DNAJC5: variants seen among roughly 807,000 people sequenced by gnomAD.
DNAJC5 encodes the protein DnaJ heat shock protein family (Hsp40) member C5.
Under a neutral mutation model 23.2 loss-of-function variants are expected in DNAJC5, and 1 was observed. The ratio of observed to expected loss-of-function variants is 0.04; its 90% confidence interval spans 0.02 to 0.20. DNAJC5 has a LOEUF of 0.20. Ranked by LOEUF, DNAJC5 falls within the 10% of genes least tolerant of loss-of-function variation. DNAJC5 has a pLI of 1.00. For missense variants in DNAJC5, 180 were observed against 267.0 expected, an observed-to-expected ratio of 0.67 and a Z score of 2.27; for synonymous variants, 136 against 120.0, an observed-to-expected ratio of 1.13 and a Z score of -0.87.
chr20:63,923,908 C>T (rs952317140), intron 1 of DNAJC5, among the ~76,000 whole-genome samples: 1 of 152,124 alleles, frequency 6.6e-6, no homozygotes, highest in South Asian at 2.1e-4. Context: ...AGTTTTTTGC[C>T]TTAGTAATTG....
rs563546288 is a variant in DNAJC5 at position 63,923,744 on chromosome 20, T to C, written c.-11-4591T>C. The stretch of plus-strand genomic sequence containing the variant: ...GGAAAAGAAAGAATGAGTTAACATT[T>C]TCTCAGCTTTATGTGTTGAGTGATT... On this transcript the variant is annotated intron_variant, in intron 1 of 4. Coordinates refer to ENST00000360864, the MANE Select transcript of DNAJC5 (RefSeq NM_025219.3). 8.5e-5 allele frequency among the ~76,000 whole-genome samples: 13 copies of C among 152,296 alleles called. No homozygotes were observed. In the East Asian group the frequency reaches 2.5e-3, roughly 29 times the overall value.
chr20:63,934,122 CCTAGAAG>C lies in DNAJC5; in HGVS notation c.*2556_*2562del, dbSNP rs2053697292. 1 of 152,232 alleles carries C rather than the reference CCTAGAAG, an allele frequency of 6.6e-6. No individual in the cohort carries two copies. The highest frequency in any genetic ancestry group is 1.5e-5 in the Non-Finnish European group (1 of 68,044). 9.4% of individuals were successfully genotyped at this position (152,232 alleles called of 1,614,324 possible). ...GCCTGGAGTTCCTCCCCCTGCCTGA[CCTAGAAG>C]CAGAACCGTTTTCAGCGCTCTGCCC... is the stretch of plus-strand genomic sequence containing the variant. On this transcript the variant is annotated 3_prime_UTR_variant, in exon 5 of 5. Transcript: ENST00000360864.
Position 63,918,885 on chromosome 20 carries a change from C to T in DNAJC5, c.-11-9450C>T, listed in dbSNP as rs372814067. Among the ~76,000 whole-genome samples, 65 of 152,332 alleles carry T rather than the reference C, an allele frequency of 4.3e-4. 1 individual carries two copies. The highest frequency in any genetic ancestry group is 1.9e-3 in the Admixed American group (29 of 15,300). ...CTGGGATTACAGGCGTGAGCCACCA[C>T]GCCCGGCTGATATGTTCCATATATT... On this transcript the variant is annotated intron_variant, in intron 1 of 4. Transcript: ENST00000360864.
intron 1 of DNAJC5, among the ~76,000 whole-genome samples, chr20:63,913,324 C>A (rs143915650): frequency 6.6e-6 from 1 of 152,092 alleles, no homozygotes; most frequent in African/African-American, 2.4e-5. Context: ...TCTCCTCAGA[C>A]GTCATCTGTT....
chr20:63,906,483 G>A (rs923361820), intron 1 of DNAJC5, among the ~76,000 whole-genome samples: 16 of 150,930 alleles, frequency 1.1e-4, no homozygotes, highest in Non-Finnish European at 2.1e-4. Context: ...GAAAGACTCT[G>A]TCTTAATAAA....
intron 3 of DNAJC5, among the ~76,000 whole-genome samples, 190 bp from the exon 4 acceptor site, chr20:63,930,661 C>G (rs757547329): frequency 1.2e-4 from 18 of 152,214 alleles, no homozygotes; most frequent in Admixed American, 3.3e-4. Context: ...GGCTGCTTTT[C>G]TTTAAGCTGC....
chr20:63,913,075 G>A (rs995072174), intron 1 of DNAJC5, among the ~76,000 whole-genome samples: 13 of 151,888 alleles, frequency 8.6e-5, no homozygotes, highest in Non-Finnish European at 1.6e-4. Context: ...TCCCTGCCCC[G>A]TCTCCATCTC....
At chr20:63,895,806 C>G (rs967868558) in intron 1 of DNAJC5, among the ~76,000 whole-genome samples, 1 of 152,182 alleles carries the variant, frequency 6.6e-6, no homozygotes, top group Non-Finnish European at 1.5e-5. Flanking sequence ...GTAAATTAAT[C>G]TTTCCGACGT....
Position 63,913,740 on chromosome 20 carries a change from C to A in DNAJC5, c.-11-14595C>A, listed in dbSNP as rs567758795. ...GGATTGCGGGCACCTACGACCACGCCCAGCTAATTTTGTATTTTTAGTACA... is the reference window on the plus strand; with the variant it reads ...GGATTGCGGGCACCTACGACCACGCACAGCTAATTTTGTATTTTTAGTACA... On this transcript the variant is annotated intron_variant, in intron 1 of 4. Transcript: ENST00000360864. 6.7e-3 allele frequency among the ~76,000 whole-genome samples: 1,018 copies of A among 152,102 alleles called. 8 individuals are homozygous for A. Among genetic ancestry groups the A allele is most frequent in the African/African-American group, 0.022 (911 of 41,486 alleles).
chr20:63,902,201 C>A (rs1459088956), intron 1 of DNAJC5, among the ~76,000 whole-genome samples: 2 of 150,496 alleles, frequency 1.3e-5, no homozygotes, highest in Non-Finnish European at 3.0e-5. Context: ...ACTACAGGCG[C>A]CCGCCACCAC....
chr20:63,930,837 T>C lies in DNAJC5; in HGVS notation c.322-14T>C, dbSNP rs1190920881. 18 of 1,611,832 alleles carry C rather than the reference T, an allele frequency of 1.1e-5. No individual in the cohort carries two copies. Among genetic ancestry groups the C allele is most frequent in the East Asian group, 6.7e-5 (3 of 44,896 alleles). On this transcript the variant is annotated splice_polypyrimidine_tract_variant and intron_variant, in intron 3 of 4. Transcript: ENST00000360864. ...CCTCGGAGGCCATGCAACACCACCT[T>C]CTTCTCCCCCCAGGCCCTGTTTGTC... is the stretch of plus-strand genomic sequence containing the variant.
chr20:63,909,481 C>T (rs892849110), intron 1 of DNAJC5, among the ~76,000 whole-genome samples: 9 of 152,048 alleles, frequency 5.9e-5, no homozygotes, highest in African/African-American at 1.7e-4. Flanking sequence ...GCAGCCTGGG[C>T]GACAGAGCGA....
At chr20:63,904,918 C>T (rs1437866003) in intron 1 of DNAJC5, among the ~76,000 whole-genome samples, 1 of 151,790 alleles carries the variant, frequency 6.6e-6, no homozygotes, top group Admixed American at 6.6e-5. Flanking sequence ...ATTCTCCTGC[C>T]TCAGCCTCCA....
In DNAJC5 at chr20:63,932,890, A is replaced by T. The variant is rs2053685888; in HGVS notation, c.*1322A>T. ...AGACTACGGAATCCACATGTGGACC[A>T]TGGGAAGTCAGTCTCTTGCGTGTCC... is the stretch of plus-strand genomic sequence containing the variant. On this transcript the variant is annotated 3_prime_UTR_variant, in exon 5 of 5. Transcript: ENST00000360864. This position sits in a 1 kb window ranked among gnomAD's most constrained non-coding sequence, Gnocchi z 4.4. 1 of 152,376 alleles carries T rather than the reference A, an allele frequency of 6.6e-6. No individual in the cohort carries two copies. The highest frequency in any genetic ancestry group is 2.1e-4 in the South Asian group (1 of 4,828). The allele number at this position is 152,376 out of a possible 1,614,324, so 9.4% of individuals were successfully genotyped here.
intron 1 of DNAJC5, among the ~76,000 whole-genome samples, chr20:63,912,327 G>A (rs1253903248): frequency 6.6e-6 from 1 of 151,378 alleles, no homozygotes; most frequent in African/African-American, 2.4e-5. Context: ...AAAGAGTAAA[G>A]GTGAGGGACA....
chr20:63,902,116 G>A (rs1156313949), intron 1 of DNAJC5, among the ~76,000 whole-genome samples: 5 of 151,268 alleles, frequency 3.3e-5, no homozygotes, highest in Non-Finnish European at 7.4e-5. Context: ...GTGCAGTGAC[G>A]CGATCTCGGC....
intron 1 of DNAJC5, among the ~76,000 whole-genome samples, chr20:63,901,776 G>T (rs817372): frequency 3.3e-5 from 5 of 152,058 alleles, no homozygotes; most frequent in African/African-American, 1.2e-4. Flanking sequence ...TATTAAATAG[G>T]ATTGTGTTTT....
chr20:63,913,394 C>T (rs2053495921), intron 1 of DNAJC5, among the ~76,000 whole-genome samples: 1 of 150,838 alleles, frequency 6.6e-6, no homozygotes, highest in Non-Finnish European at 1.5e-5. Context: ...TGTTTTTTTT[C>T]TTTCTTTTTT....
At chr20:63,898,678 C>A (rs1157851458) in intron 1 of DNAJC5, among the ~76,000 whole-genome samples, 1 of 152,092 alleles carries the variant, frequency 6.6e-6, no homozygotes, top group Non-Finnish European at 1.5e-5. Context: ...CCTGTCTCTA[C>A]TAAAAATACA....
Sources: allele counts gnomAD v4.1 joint callset (sites outside exome capture counted in the v4.1 genomes callset), GRCh38; gene constraint gnomAD v4.1.1; non-coding constraint Gnocchi (gnomAD v3.1); transcripts MANE v1.5; gene names NCBI Gene and HGNC (gene_info 2026-07-23, HGNC 2026-07-21).